CUX2: variants seen among roughly 807,000 people sequenced by gnomAD.
The protein encoded by CUX2 is homeobox protein cut-like 2.
CUX2 carries 40 observed loss-of-function variants against 144.8 expected under a neutral mutation model. That is an observed-to-expected ratio of 0.28 (90% confidence interval 0.21 to 0.36). The LOEUF is 0.36. Among genes scored for constraint, CUX2 ranks in the 10% least tolerant of loss-of-function variants. The probability of loss-of-function intolerance (pLI) is 1.00; values close to 1 mark genes in which losing one functional copy is unlikely to be tolerated. For synonymous variants in CUX2, 827 were observed against 875.6 expected (o/e 0.94, Z 0.98); for missense variants, 1,615 against 1,994.0 (o/e 0.81, Z 3.62).
chr12:111,277,574 A>G lies in CUX2; in HGVS notation c.301+13735A>G, dbSNP rs979083559. On this transcript the variant is annotated intron_variant, in intron 4 of 21. Transcript: ENST00000261726. This position sits in a 1 kb window ranked among gnomAD's most constrained non-coding sequence, Gnocchi z 5.0. Reference sequence around the variant, plus strand: ...CCTGCTTCATTTTGCTTCTGAGCCCATCTCACTCCAGTTGCCTCACCCATC... The same window carrying G: ...CCTGCTTCATTTTGCTTCTGAGCCCGTCTCACTCCAGTTGCCTCACCCATC... Among the ~76,000 whole-genome samples, 3 of 151,442 alleles carry G rather than the reference A, an allele frequency of 2.0e-5. No individual in the cohort carries two copies. The highest frequency in any genetic ancestry group is 4.4e-5 in the Non-Finnish European group (3 of 67,860).
chr12:111,143,569 C>A (rs965291307), intron 1 of CUX2, among the ~76,000 whole-genome samples: 1 of 152,180 alleles, frequency 6.6e-6, no homozygotes, highest in African/African-American at 2.4e-5. Flanking sequence ...AAATGTAATA[C>A]CCACTAGTAT....
intron 1 of CUX2, among the ~76,000 whole-genome samples, chr12:111,067,396 G>A (rs1871065053): frequency 6.6e-6 from 1 of 152,232 alleles, no homozygotes; most frequent in Admixed American, 6.5e-5. Context: ...TGGAGGCAGG[G>A]TTTCAGACAA....
At chr12:111,182,105 A>G (rs1228937636) in intron 1 of CUX2, among the ~76,000 whole-genome samples, 1 of 152,118 alleles carries the variant, frequency 6.6e-6, no homozygotes, top group Non-Finnish European at 1.5e-5. Context: ...GTTTCAGGGC[A>G]GGGTCGGGGG....
At chr12:111,199,258 C>T (rs1288550714) in intron 1 of CUX2, among the ~76,000 whole-genome samples, 2 of 152,108 alleles carry the variant, frequency 1.3e-5, no homozygotes, top group Non-Finnish European at 2.9e-5. Flanking sequence ...CGCTGACTTG[C>T]CCTGGGGTTA....
Position 111,263,224 on chromosome 12 carries a change from C to T in CUX2, c.223-537C>T, listed in dbSNP as rs550339432. 3.3e-5 allele frequency among the ~76,000 whole-genome samples: 5 copies of T among 152,214 alleles called. No homozygotes were observed. The South Asian group carries it at 1.0e-3, about 32-fold the overall frequency. On this transcript the variant is annotated intron_variant, in intron 3 of 21. Coordinates refer to ENST00000261726, the MANE Select transcript of CUX2 (RefSeq NM_015267.4). This position sits in a 1 kb window ranked among gnomAD's most constrained non-coding sequence, Gnocchi z 4.0. ...GCGGTGGTGGCCTGTAATCCCGGCA[C>T]TTTGGGAGGCCGAGGCAGGGGAATC...
In CUX2 at chr12:111,219,058, G is replaced by A. The variant is rs893530788; in HGVS notation, c.222+1121G>A. Among the ~76,000 whole-genome samples, 16 of 152,122 alleles carry A rather than the reference G, an allele frequency of 1.1e-4. 1 individual carries two copies. The South Asian group carries it at 1.7e-3, about 16-fold the overall frequency. On this transcript the variant is annotated intron_variant, in intron 3 of 21. Coordinates refer to ENST00000261726, the MANE Select transcript of CUX2 (RefSeq NM_015267.4). The stretch of plus-strand genomic sequence containing the variant: ...AGGCAGGACCCCAGAAGGATTGGCC[G>A]TACTCGGATCTCACCAGAGGGGATG...
At chr12:111,063,490 T>C (rs1259668677) in intron 1 of CUX2, among the ~76,000 whole-genome samples, 5 of 152,200 alleles carry the variant, frequency 3.3e-5, no homozygotes, top group African/African-American at 1.2e-4. Flanking sequence ...TCTGGGGCCT[T>C]TGGGACATCG....
intron 1 of CUX2, among the ~76,000 whole-genome samples, chr12:111,209,510 T>A (rs1285244682): frequency 6.6e-6 from 1 of 152,176 alleles, no homozygotes; most frequent in African/African-American, 2.4e-5. Context: ...TTAATCATAT[T>A]TTAGATGCTA....
intron 4 of CUX2, among the ~76,000 whole-genome samples, chr12:111,265,209 T>C (rs1331304153): frequency 6.6e-6 from 1 of 152,134 alleles, no homozygotes; most frequent in Non-Finnish European, 1.5e-5. Context: ...GGTTTCTCGG[T>C]CCTGGTTTGG....
chr12:111,184,086 G>A (rs920737010), intron 1 of CUX2, among the ~76,000 whole-genome samples: 2 of 152,186 alleles, frequency 1.3e-5, no homozygotes, highest in Admixed American at 6.5e-5. Context: ...TTGCGGGGTT[G>A]ATGGGAGCAG....
chr12:111,215,577 C>T (rs1411208552), intron 2 of CUX2, among the ~76,000 whole-genome samples: 1 of 152,182 alleles, frequency 6.6e-6, no homozygotes, highest in Admixed American at 6.5e-5. Context: ...AAAAGCCAAG[C>T]CAGGCCTTTG....
At chr12:111,066,188 T>C (rs1265141469) in intron 1 of CUX2, among the ~76,000 whole-genome samples, 1 of 152,216 alleles carries the variant, frequency 6.6e-6, no homozygotes, top group African/African-American at 2.4e-5. Context: ...TTGGTTCACA[T>C]ACTTAGCAGT....
chr12:111,159,322 TTTTTTTC>T (rs1275283253), intron 1 of CUX2, among the ~76,000 whole-genome samples: 1 of 129,464 alleles, frequency 7.7e-6, no homozygotes, highest in East Asian at 2.8e-4. Flanking sequence ...CTGTTTTTTT[TTTTTTTC>T]CTAGAGAGAG....
At chr12:111,254,327 A>T (rs574201567) in intron 3 of CUX2, among the ~76,000 whole-genome samples, 1 of 152,264 alleles carries the variant, frequency 6.6e-6, no homozygotes, top group South Asian at 2.1e-4. Flanking sequence ...TTCCCTGGGC[A>T]TGCACATAGT....
chr12:111,076,265 TC>T (rs1163264079), intron 1 of CUX2, among the ~76,000 whole-genome samples: 13 of 152,146 alleles, frequency 8.5e-5, no homozygotes, highest in Admixed American at 6.5e-5. Flanking sequence ...CCAGAACTGA[TC>T]TAAGGAGCAA....
chr12:111,298,661 T>C (rs1886138239), intron 9 of CUX2, 72 bp downstream of exon 9: 2 of 1,405,826 alleles, frequency 1.4e-6, no homozygotes, highest in East Asian at 2.5e-5. Context: ...TCGGGCCAGA[T>C]GAGGAGGAAG....
At chr12:111,040,383 T>C (rs1869682909) in intron 1 of CUX2, among the ~76,000 whole-genome samples, 1 of 152,056 alleles carries the variant, frequency 6.6e-6, no homozygotes, top group Non-Finnish European at 1.5e-5. Flanking sequence ...CCCCATTCTC[T>C]CAATCTCTCT....
chr12:111,138,886 C>A (rs1047473031), intron 1 of CUX2, among the ~76,000 whole-genome samples: 1 of 152,014 alleles, frequency 6.6e-6, no homozygotes, highest in African/African-American at 2.4e-5. Context: ...CTCCCAGGGG[C>A]GACACTGGAC....
chr12:111,166,088 G>A (rs776793749), intron 1 of CUX2, among the ~76,000 whole-genome samples: 10 of 152,054 alleles, frequency 6.6e-5, no homozygotes, highest in African/African-American at 9.7e-5. Flanking sequence ...GTGTGATCAC[G>A]GCTCACTGCA....
Sources: allele counts gnomAD v4.1 joint callset (sites outside exome capture counted in the v4.1 genomes callset), GRCh38; gene constraint gnomAD v4.1.1; non-coding constraint Gnocchi (gnomAD v3.1); transcripts MANE v1.5; gene names NCBI Gene and HGNC (gene_info 2026-07-23, HGNC 2026-07-21).